The following LRRK2 variants were observed in gnomAD, a reference collection of about 807,000 sequenced individuals.
LRRK2 encodes the protein leucine rich repeat kinase 2.
Under a neutral mutation model 302.6 loss-of-function variants are expected in LRRK2, and 203 were observed. The observed-to-expected ratio is 0.67, with a 90% CI of 0.60 to 0.75. The LOEUF is 0.75. LRRK2 is among the 30% of genes least tolerant of loss of function. The pLI is 0.00. For missense variants in LRRK2, 2,830 were observed against 2,951.0 expected (o/e 0.96, Z 0.95); for synonymous variants, 1,066 against 1,031.9 (o/e 1.03, Z -0.63).
chr12:40,361,870 C>A (rs2137038290), intron 47 of LRRK2, among the ~76,000 whole-genome samples: 1 of 152,142 alleles, frequency 6.6e-6, no homozygotes, highest in South Asian at 2.1e-4. Context: ...TCAGTACACA[C>A]CGACTGAGAG....
At chr12:40,297,392 G>T (rs1246900511) in intron 23 of LRRK2, among the ~76,000 whole-genome samples, 2 of 152,124 alleles carry the variant, frequency 1.3e-5, no homozygotes, top group Non-Finnish European at 2.9e-5. Context: ...GTTTGTTATT[G>T]TCAAAGGGTC....
In LRRK2 at chr12:40,225,077, C is replaced by A; in HGVS notation, c.-55C>A. ...CTGTGGCCGGCGCCCCTGCCGGTTCCCTGAGCAGCGGACGTTCATGCTGGG... is the reference window on the plus strand; with the variant it reads ...CTGTGGCCGGCGCCCCTGCCGGTTCACTGAGCAGCGGACGTTCATGCTGGG... On this transcript the variant is annotated 5_prime_UTR_variant, in exon 1 of 51. Transcript: ENST00000298910. 4 of 1,609,852 alleles carry A rather than the reference C, an allele frequency of 2.5e-6. No homozygotes were observed. The South Asian group carries it at 4.4e-5, about 18-fold the overall frequency.
At chr12:40,270,029 G>T (rs2136577358) in intron 14 of LRRK2, among the ~76,000 whole-genome samples, 1 of 152,068 alleles carries the variant, frequency 6.6e-6, no homozygotes, top group South Asian at 2.1e-4. Flanking sequence ...TTAATGTCTT[G>T]GTTTTGTTAT....
intron 11 of LRRK2, 67 bp downstream of exon 11, chr12:40,253,083 C>A: frequency 9.8e-7 from 1 of 1,017,894 alleles, no homozygotes; most frequent in Non-Finnish European, 1.5e-6. Flanking sequence ...ATTATAGAAG[C>A]TATATACTGT....
chr12:40,333,801 A>T (rs939413533), intron 39 of LRRK2, among the ~76,000 whole-genome samples: 5 of 152,122 alleles, frequency 3.3e-5, no homozygotes, highest in Non-Finnish European at 2.9e-5. Context: ...GACTTCAGCC[A>T]TGTGAAGGGT....
intron 44 of LRRK2, among the ~76,000 whole-genome samples, chr12:40,353,838 G>T (rs992026466): frequency 6.6e-6 from 1 of 152,166 alleles, no homozygotes; most frequent in African/African-American, 2.4e-5. Context: ...ATGAAAACCA[G>T]TCAGGCGTGG....
intron 11 of LRRK2, among the ~76,000 whole-genome samples, chr12:40,255,989 C>T (rs1942482043): frequency 6.6e-6 from 1 of 152,106 alleles, no homozygotes; most frequent in South Asian, 2.1e-4. Flanking sequence ...AAAAGCAGTA[C>T]TTAAGTTAAA....
chr12:40,266,108 TA>T (rs1423237756), intron 14 of LRRK2, among the ~76,000 whole-genome samples: 16 of 152,160 alleles, frequency 1.1e-4, no homozygotes, highest in Admixed American at 6.5e-5. Context: ...CCTTCATGTC[TA>T]AAACACCAAA....
intron 38 of LRRK2, among the ~76,000 whole-genome samples, chr12:40,326,793 A>T (rs1429225257): frequency 6.6e-6 from 1 of 152,216 alleles, no homozygotes; most frequent in African/African-American, 2.4e-5. Context: ...AATGGTTTTT[A>T]AAAGTCAAAT....
chr12:40,288,976 C>A (rs1167040415), intron 20 of LRRK2, among the ~76,000 whole-genome samples: 2 of 151,686 alleles, frequency 1.3e-5, no homozygotes, highest in African/African-American at 4.8e-5. Context: ...ACTTAAGAAA[C>A]CTTTTCTTAG....
At position 40,328,433 on chromosome 12, in the gene LRRK2, A is replaced by G; in HGVS notation, c.5730A>G (p.Lys1910=). 6.2e-7 allele frequency: 1 copy of G among 1,613,054 alleles called. No homozygotes were observed. Among genetic ancestry groups the G allele is most frequent in the Non-Finnish European group, 8.5e-7 (1 of 1,179,298 alleles). ...AAGTGGCTGTGAAGATTTTTAATAA[A>G]CATACATCACTCAGGCTGTTAAGAC... ...GEEVAVKIFN[K]HTSLRLLRQE... Residue 1910 remains lysine, a synonymous_variant, in exon 39 of 51, where the codon AAA becomes AAG. Transcript: ENST00000298910.
intron 50 of LRRK2, chr12:40,367,345 A>G (rs1433348534): frequency 6.8e-6 from 3 of 443,888 alleles, no homozygotes; most frequent in Non-Finnish European, 1.2e-5. Context: ...CAACTTATCT[A>G]TATCTACATA....
chr12:40,355,718 A>G (rs571242315), intron 45 of LRRK2, among the ~76,000 whole-genome samples: 10 of 151,684 alleles, frequency 6.6e-5, no homozygotes, highest in Admixed American at 1.3e-4. Context: ...AATTTTTTAC[A>G]TTTTTAGTAG....
intron 46 of LRRK2, among the ~76,000 whole-genome samples, chr12:40,357,341 A>T (rs535673517): frequency 2.2e-4 from 31 of 143,380 alleles, no homozygotes; most frequent in African/African-American, 6.1e-4. Flanking sequence ...TCATTCATTC[A>T]TGGGTGCTTA....
chr12:40,232,136 T>G (rs1592135417), intron 2 of LRRK2, 138 bp from the exon 3 acceptor site: 2 of 696,162 alleles, frequency 2.9e-6, no homozygotes. Context: ...CATTTTAGGG[T>G]ATCATTTTGT....
intron 18 of LRRK2, among the ~76,000 whole-genome samples, chr12:40,280,369 A>C (rs1943636354): frequency 6.6e-6 from 1 of 152,220 alleles, no homozygotes; most frequent in East Asian, 1.9e-4. Flanking sequence ...CATGCCTGTA[A>C]TCCCAGGGCT....
chr12:40,275,683 T>C (rs2136610887), intron 16 of LRRK2, among the ~76,000 whole-genome samples: 1 of 151,750 alleles, frequency 6.6e-6, no homozygotes, highest in South Asian at 2.1e-4. Context: ...AGATTTCAGC[T>C]CACTACAACA....
intron 40 of LRRK2, among the ~76,000 whole-genome samples, chr12:40,338,865 AG>A (rs1397139620): frequency 3.2e-4 from 49 of 152,184 alleles, no homozygotes; most frequent in Admixed American, 3.2e-3. Context: ...TCTCTTCAGC[AG>A]GGGAAGAGTA....
intron 41 of LRRK2, among the ~76,000 whole-genome samples, chr12:40,343,156 A>T (rs951851790): frequency 6.6e-6 from 1 of 152,212 alleles, no homozygotes; most frequent in African/African-American, 2.4e-5. Flanking sequence ...AAACAATGCA[A>T]TTATTGACAG....
Sources: gnomAD v4.1 joint callset for allele counts (sites outside exome capture counted in the v4.1 genomes callset) on GRCh38, gnomAD v4.1.1 for gene constraint, MANE v1.5 for transcripts, NCBI Gene and HGNC (gene_info 2026-07-23, HGNC 2026-07-21) for gene names.